The following HS1BP3 variants were observed in gnomAD, a reference collection of about 807,000 sequenced individuals.
The protein encoded by HS1BP3 is HCLS1-binding protein 3.
HS1BP3 carries 32 observed loss-of-function variants against 33.5 expected under a neutral mutation model. The observed-to-expected ratio is 0.95, with a 90% CI of 0.72 to 1.28. The LOEUF (loss-of-function observed/expected upper bound fraction) is 1.28. Ranked by LOEUF, HS1BP3 falls within the 50% of genes most tolerant of loss-of-function variation. The probability of loss-of-function intolerance (pLI) is 0.00; values close to 1 mark genes in which losing one functional copy is unlikely to be tolerated. For missense variants in HS1BP3, 486 were observed against 502.3 expected (o/e 0.97, Z 0.31); for synonymous variants, 187 against 209.2 (o/e 0.89, Z 0.92).
chr2:20,623,036 C>T (rs1357862753), intron 6 of HS1BP3: 1 of 152,756 alleles, frequency 6.5e-6, no homozygotes, highest in East Asian at 1.9e-4. Context: ...TCCTCTGAAT[C>T]CCAGGCACAG....
At chr2:20,632,311 C>T (rs1468501486) in intron 4 of HS1BP3, among the ~76,000 whole-genome samples, 1 of 152,244 alleles carries the variant, frequency 6.6e-6, no homozygotes. Context: ...CGCTCCTATG[C>T]CCCTGATCCA....
At chr2:20,588,909 G>C (rs898762046), downstream of HS1BP3, among the ~76,000 whole-genome samples, 1 of 152,226 alleles carries the variant, frequency 6.6e-6, no homozygotes, top group Non-Finnish European at 1.5e-5. Flanking sequence ...ATTTCCCCGG[G>C]GGAGGGCTGC....
chr2:20,646,240 C>A (rs1216441871), intron 1 of HS1BP3, among the ~76,000 whole-genome samples: 3 of 152,226 alleles, frequency 2.0e-5, no homozygotes, highest in African/African-American at 7.2e-5. Context: ...CCTGTGCAGA[C>A]TAACATCCCT....
chr2:20,631,254 C>T (rs528420322), intron 4 of HS1BP3, among the ~76,000 whole-genome samples: 2 of 151,748 alleles, frequency 1.3e-5, no homozygotes, highest in East Asian at 3.9e-4. Context: ...TGGCTCATGC[C>T]TGTAATCCCA....
At chr2:20,576,263 T>C (rs534839214) in intron 5 of HS1BP3, among the ~76,000 whole-genome samples, 8 of 152,194 alleles carry the variant, frequency 5.3e-5, no homozygotes, top group Non-Finnish European at 1.0e-4. Flanking sequence ...ATTATAGGTG[T>C]GAGCCATTGC....
intron 5 of HS1BP3, among the ~76,000 whole-genome samples, chr2:20,576,293 C>G (rs577929513): frequency 6.6e-6 from 1 of 152,248 alleles, no homozygotes; most frequent in Non-Finnish European, 1.5e-5. Flanking sequence ...TGTGAGGTTT[C>G]TTTCTGCTCA....
chr2:20,578,318 G>A (rs1693451111), intron 5 of HS1BP3, among the ~76,000 whole-genome samples: 2 of 152,190 alleles, frequency 1.3e-5, no homozygotes, highest in Non-Finnish European at 2.9e-5. Context: ...TGGTCTCCAT[G>A]GTTTTCAGGG....
At chr2:20,608,345 C>A (rs181279852) in intron 2 of HS1BP3, among the ~76,000 whole-genome samples, 4 of 151,822 alleles carry the variant, frequency 2.6e-5, no homozygotes, top group South Asian at 2.1e-4. Flanking sequence ...GAGGCCGATG[C>A]GGGAGGATCA....
chr2:20,642,113 G>A, intron 2 of HS1BP3, among the ~76,000 whole-genome samples: 1 of 152,188 alleles, frequency 6.6e-6, no homozygotes, highest in East Asian at 1.9e-4. Flanking sequence ...TCGCTCCTCT[G>A]TGCTTTCCCC....
intron 2 of HS1BP3, among the ~76,000 whole-genome samples, chr2:20,612,773 T>A (rs1374690081): frequency 6.6e-6 from 1 of 152,216 alleles, no homozygotes; most frequent in Admixed American, 6.5e-5. Context: ...GCTATGAACA[T>A]CTGTGTACAA....
intron 5 of HS1BP3, among the ~76,000 whole-genome samples, chr2:20,570,702 A>G (rs989360108): frequency 6.6e-6 from 1 of 152,222 alleles, no homozygotes; most frequent in Non-Finnish European, 1.5e-5. Flanking sequence ...CCCAGGTGTT[A>G]GTAAGATTCT....
rs1694475929 is a variant in HS1BP3, at chr2:20,618,164, G to C, written c.*823C>G. On this transcript the variant is annotated 3_prime_UTR_variant, in exon 7 of 7. Transcript: ENST00000304031. ...GCTGAGAGCTGCAATGACGAACATTGGCTCTGTGCCCAGAGGCCCAAGAAG... is the reference window on the plus strand; with the variant it reads ...GCTGAGAGCTGCAATGACGAACATTCGCTCTGTGCCCAGAGGCCCAAGAAG... 6.6e-6 allele frequency: 1 copy of C among 152,288 alleles called. No individual in the cohort carries two copies. The highest frequency in any genetic ancestry group is 6.5e-5 in the Admixed American group (1 of 15,282). 9.4% of individuals were successfully genotyped at this position (152,288 alleles called of 1,614,324 possible). A position where few individuals can be genotyped will look rare whatever the true frequency, so the allele number is the denominator to read the frequency against.
intron 6 of HS1BP3, chr2:20,622,530 T>C (rs1694639193): frequency 2.9e-6 from 1 of 345,706 alleles, no homozygotes; most frequent in African/African-American, 2.1e-5. Context: ...GCCCTGCTTT[T>C]TGTGGCATTT....
downstream of HS1BP3, among the ~76,000 whole-genome samples, chr2:20,591,482 G>A (rs1445557013): frequency 1.3e-5 from 2 of 152,214 alleles, no homozygotes; most frequent in Non-Finnish European, 2.9e-5. Context: ...GTTTCCCGTG[G>A]CACCAAGGCC....
At chr2:20,567,103 T>G (rs1693148338) in intron 5 of HS1BP3, among the ~76,000 whole-genome samples, 1 of 152,166 alleles carries the variant, frequency 6.6e-6, no homozygotes, top group South Asian at 2.1e-4. Flanking sequence ...TCATCTAATC[T>G]GTCAATAACA....
At chr2:20,590,113 G>A (rs957841172), downstream of HS1BP3, among the ~76,000 whole-genome samples, 2 of 152,146 alleles carry the variant, frequency 1.3e-5, no homozygotes, top group East Asian at 1.9e-4. Context: ...GAGTCACCCC[G>A]CCCTCCAGGC....
At chr2:20,568,868 C>T (rs1239888299) in intron 5 of HS1BP3, among the ~76,000 whole-genome samples, 2 of 152,194 alleles carry the variant, frequency 1.3e-5, no homozygotes, top group African/African-American at 4.8e-5. Context: ...TGGGACCTCC[C>T]AAGGGACTCA....
chr2:20,625,061 A>C (rs980949069), intron 4 of HS1BP3, among the ~76,000 whole-genome samples, 169 bp from the exon 5 acceptor site: 1 of 152,230 alleles, frequency 6.6e-6, no homozygotes, highest in Non-Finnish European at 1.5e-5. Context: ...CACCCAGAGC[A>C]GTCCAGGCAG....
At chr2:20,610,945 C>A (rs1694307225) in intron 2 of HS1BP3, among the ~76,000 whole-genome samples, 1 of 152,218 alleles carries the variant, frequency 6.6e-6, no homozygotes, top group Admixed American at 6.5e-5. Flanking sequence ...TGGCCCCTTG[C>A]AGCCAACCAC....
Sources: allele counts gnomAD v4.1 joint callset (sites outside exome capture counted in the v4.1 genomes callset), GRCh38; gene constraint gnomAD v4.1.1; transcripts MANE v1.5; gene names NCBI Gene and HGNC (gene_info 2026-07-23, HGNC 2026-07-21).